Variants in KCNIP4 observed in about 807,000 individuals in gnomAD.
KCNIP4 encodes the protein Kv channel-interacting protein 4.
A neutral mutation model predicts 34.0 loss-of-function variants in KCNIP4; 12 were observed. The observed-to-expected ratio is 0.35, with a 90% CI of 0.23 to 0.57. KCNIP4 has a LOEUF of 0.57. Among genes scored for constraint, KCNIP4 ranks in the 20% least tolerant of loss-of-function variants. The probability of loss-of-function intolerance (pLI) is 0.83; values close to 1 mark genes in which losing one functional copy is unlikely to be tolerated. For missense variants in KCNIP4, 238 were observed against 311.7 expected, an observed-to-expected ratio of 0.76 and a Z score of 1.78; for synonymous variants, 124 against 102.2, an observed-to-expected ratio of 1.21 and a Z score of -1.29.
At chr4:21,918,875 C>T (rs1728788355) in intron 1 of KCNIP4, among the ~76,000 whole-genome samples, 1 of 152,180 alleles carries the variant, frequency 6.6e-6, no homozygotes, top group Non-Finnish European at 1.5e-5. Flanking sequence ...GCCACGCTTC[C>T]TTAAGTCAAT....
At chr4:20,803,727 GAGGA>G (rs1553898989) in intron 3 of KCNIP4, among the ~76,000 whole-genome samples, 239 of 91,476 alleles carry the variant, frequency 2.6e-3, no homozygotes, top group Admixed American at 3.8e-3. Flanking sequence ...GAGAGAGAGA[GAGGA>G]AGGAAGGAAG....
At chr4:21,651,567 T>TC (rs1357666408) in intron 1 of KCNIP4, among the ~76,000 whole-genome samples, 3 of 152,224 alleles carry the variant, frequency 2.0e-5, no homozygotes, top group Non-Finnish European at 4.4e-5. Flanking sequence ...AGCTGATGTC[T>TC]ACCAACCCTG....
intron 3 of KCNIP4, among the ~76,000 whole-genome samples, chr4:20,789,247 C>G (rs1456385753): frequency 6.6e-6 from 1 of 152,046 alleles, no homozygotes; most frequent in Non-Finnish European, 1.5e-5. Flanking sequence ...GTAAATGTCA[C>G]CAACATTTTA....
chr4:21,922,611 A>G (rs1400507614), intron 1 of KCNIP4, among the ~76,000 whole-genome samples: 1 of 152,236 alleles, frequency 6.6e-6, no homozygotes, highest in Admixed American at 6.5e-5. Flanking sequence ...AAAATGAGAC[A>G]GCAGATTCAT....
intron 1 of KCNIP4, among the ~76,000 whole-genome samples, chr4:21,385,216 T>C (rs1466497095): frequency 6.6e-6 from 1 of 152,168 alleles, no homozygotes; most frequent in African/African-American, 2.4e-5. Flanking sequence ...GTGACCAATA[T>C]TGTTCTGGTT....
At chr4:21,490,642 G>C (rs941683324) in intron 1 of KCNIP4, among the ~76,000 whole-genome samples, 1 of 152,094 alleles carries the variant, frequency 6.6e-6, no homozygotes, top group Non-Finnish European at 1.5e-5. Context: ...ACCACAAAAA[G>C]CCCAGAAGTG....
chr4:21,011,814 T>C (rs190324457), intron 1 of KCNIP4, among the ~76,000 whole-genome samples: 1 of 152,332 alleles, frequency 6.6e-6, no homozygotes, highest in East Asian at 1.9e-4. Context: ...ACTCTTACAC[T>C]ATCCCCAGGT....
Position 20,825,081 on chromosome 4 carries a change from G to A in KCNIP4, c.288+25462C>T, listed in dbSNP as rs551056450. ...CCCAAACTCTCACTAGTATCTCATC[G>A]TATTTCCCAAAGGTTTGCCAGGATA... is the stretch of plus-strand genomic sequence containing the variant. On this transcript the variant is annotated intron_variant, in intron 3 of 8. Coordinates refer to ENST00000382152, the MANE Select transcript of KCNIP4 (RefSeq NM_025221.6). 2.0e-4 allele frequency among the ~76,000 whole-genome samples: 31 copies of A among 152,186 alleles called. No individual in the cohort carries two copies. In the South Asian group the frequency reaches 3.5e-3, roughly 17 times the overall value.
At chr4:20,964,330 G>T (rs1734133445) in intron 1 of KCNIP4, among the ~76,000 whole-genome samples, 1 of 152,176 alleles carries the variant, frequency 6.6e-6, no homozygotes, top group African/African-American at 2.4e-5. Flanking sequence ...TCCAATGACA[G>T]GGGTGGAAAT....
intron 1 of KCNIP4, among the ~76,000 whole-genome samples, chr4:21,009,794 G>A (rs1450191379): frequency 6.6e-6 from 1 of 152,168 alleles, no homozygotes; most frequent in Non-Finnish European, 1.5e-5. Context: ...CTTCAGGCAC[G>A]CATTCTGAAA....
intron 1 of KCNIP4, among the ~76,000 whole-genome samples, chr4:21,448,998 T>C (rs1728281008): frequency 6.6e-6 from 1 of 152,168 alleles, no homozygotes. Flanking sequence ...CAGGCTGAAA[T>C]GACTACTCAG....
chr4:21,622,348 T>C (rs1435141412), intron 1 of KCNIP4, among the ~76,000 whole-genome samples: 2 of 152,158 alleles, frequency 1.3e-5, no homozygotes, highest in African/African-American at 4.8e-5. Flanking sequence ...TAATCAGTTT[T>C]TCCATGTGTT....
intron 1 of KCNIP4, among the ~76,000 whole-genome samples, chr4:21,834,593 T>C (rs1401511218): frequency 2.0e-5 from 3 of 152,074 alleles, no homozygotes; most frequent in Admixed American, 6.6e-5. Flanking sequence ...TTTCCTTCTC[T>C]TGCCTAATTG....
chr4:20,945,010 G>C (rs900053387), intron 1 of KCNIP4, among the ~76,000 whole-genome samples: 19 of 152,208 alleles, frequency 1.2e-4, no homozygotes, highest in Admixed American at 1.0e-3. Context: ...CTGCAGTTCA[G>C]AAGAGCAGCT....
chr4:21,618,217 C>A (rs931152254), intron 1 of KCNIP4, among the ~76,000 whole-genome samples: 7 of 152,024 alleles, frequency 4.6e-5, no homozygotes, highest in Non-Finnish European at 7.4e-5. Flanking sequence ...GTAATTTAAT[C>A]AAATTCAGTA....
intron 1 of KCNIP4, among the ~76,000 whole-genome samples, chr4:21,861,247 T>C (rs1245007598): frequency 6.6e-6 from 1 of 152,228 alleles, no homozygotes; most frequent in Non-Finnish European, 1.5e-5. Context: ...TTAACAGAAC[T>C]CACTGGTTTC....
At chr4:21,817,202 G>C (rs554184837) in intron 1 of KCNIP4, among the ~76,000 whole-genome samples, 1 of 152,200 alleles carries the variant, frequency 6.6e-6, no homozygotes, top group African/African-American at 2.4e-5. Context: ...CAAATGGAGG[G>C]ACCATCTGGA....
intron 1 of KCNIP4, among the ~76,000 whole-genome samples, chr4:21,280,912 T>G (rs1041470880): frequency 2.6e-5 from 4 of 152,098 alleles, no homozygotes; most frequent in African/African-American, 9.7e-5. Flanking sequence ...GAGTTGGAGA[T>G]GTGAATGCTC....
At chr4:21,339,687 C>T (rs1716548252) in intron 1 of KCNIP4, among the ~76,000 whole-genome samples, 1 of 152,046 alleles carries the variant, frequency 6.6e-6, no homozygotes, top group Non-Finnish European at 1.5e-5. Flanking sequence ...TCAAGATCTC[C>T]TATGATTTCA....
Sources: gnomAD v4.1 joint callset for allele counts (sites outside exome capture counted in the v4.1 genomes callset) on GRCh38, gnomAD v4.1.1 for gene constraint, MANE v1.5 for transcripts, NCBI Gene and HGNC (gene_info 2026-07-23, HGNC 2026-07-21) for gene names.